The following TYW1B variants were observed in gnomAD, a reference collection of about 807,000 sequenced individuals.
TYW1B encodes S-adenosyl-L-methionine-dependent tRNA 4-demethylwyosine synthase TYW1B.
A neutral mutation model predicts 86.9 loss-of-function variants in TYW1B; 73 were observed. The observed-to-expected ratio is 0.84, with a 90% CI of 0.70 to 1.02. TYW1B has a LOEUF of 1.02. Among genes scored for constraint, TYW1B ranks in the 50% least tolerant of loss-of-function variants. TYW1B has a pLI of 0.00. For missense variants in TYW1B, 637 were observed against 827.4 expected (o/e 0.77, Z 2.82); for synonymous variants, 248 against 292.8 (o/e 0.85, Z 1.56).
intron 5 of TYW1B, among the ~76,000 whole-genome samples, chr7:72,806,663 G>C (rs1788500779): frequency 6.6e-6 from 1 of 151,072 alleles, no homozygotes; most frequent in African/African-American, 2.4e-5. Context: ...TTCTGTCTTT[G>C]TTTTTGGGGC....
intron 10 of TYW1B, among the ~76,000 whole-genome samples, chr7:72,710,519 C>T (rs782163898): frequency 2.0e-5 from 3 of 152,100 alleles, no homozygotes; most frequent in Admixed American, 6.6e-5. Flanking sequence ...ATCAACTCTT[C>T]GATTTCCTAT....
chr7:72,804,454 C>A (rs1158009814), intron 5 of TYW1B, among the ~76,000 whole-genome samples: 2 of 152,064 alleles, frequency 1.3e-5, no homozygotes, highest in African/African-American at 4.8e-5. Flanking sequence ...TCATGCCTGT[C>A]CTGCGCCAGA....
chr7:72,803,843 A>C (rs1554476213), intron 5 of TYW1B, among the ~76,000 whole-genome samples: 1 of 150,612 alleles, frequency 6.6e-6, no homozygotes, highest in Non-Finnish European at 1.5e-5. Flanking sequence ...CAGACTCCTG[A>C]CCTCAGGTGA....
rs1386824314 is a variant in TYW1B at position 72,575,026 on chromosome 7, A to G, written c.*472T>C. On this transcript the variant is annotated 3_prime_UTR_variant, in exon 14 of 14. Coordinates refer to ENST00000620995, the MANE Select transcript of TYW1B (RefSeq NM_001145440.3). ...GGAGGTGCTGTCTTAAGACAGAAGA[A>G]AGGGATCAAGCTCTTATCTTAGAAA... The G allele has an allele frequency of 1.5e-5, 15 of 992,818 alleles. No homozygotes were observed. The highest frequency in any genetic ancestry group is 1.8e-5 in the Non-Finnish European group (15 of 834,046). 61.5% of individuals were successfully genotyped at this position (992,818 alleles called of 1,614,324 possible). A position where few individuals can be genotyped will look rare whatever the true frequency, so the allele number is the denominator to read the frequency against.
chr7:72,793,865 C>T (rs1554474019), intron 6 of TYW1B, among the ~76,000 whole-genome samples: 1 of 151,904 alleles, frequency 6.6e-6, no homozygotes, highest in East Asian at 1.9e-4. Context: ...TGGTAAGGTA[C>T]TTTAAGTTCT....
chr7:72,629,721 A>C (rs1291343877), intron 11 of TYW1B, among the ~76,000 whole-genome samples: 1 of 152,016 alleles, frequency 6.6e-6, no homozygotes, highest in Non-Finnish European at 1.5e-5. Context: ...TAAGTTTAAA[A>C]ATTTTTTTAG....
At chr7:72,693,727 G>A (rs542422913) in intron 11 of TYW1B, among the ~76,000 whole-genome samples, 2 of 152,176 alleles carry the variant, frequency 1.3e-5, no homozygotes, top group Admixed American at 6.5e-5. Flanking sequence ...GTTACGTACA[G>A]TCGGTCCTTC....
intron 11 of TYW1B, among the ~76,000 whole-genome samples, chr7:72,667,048 A>AAAAAAAAAAAAAAAAAAAAAAAAAAAG (rs60588106): frequency 7.6e-6 from 1 of 131,368 alleles, no homozygotes; most frequent in African/African-American, 3.1e-5. Flanking sequence ...AAAAAAAAAA[A>AAAAAAAAAAAAAAAAAAAAAAAAAAAG]AAAGAAACTA....
At chr7:72,738,390 A>C (rs1360658688) in intron 8 of TYW1B, among the ~76,000 whole-genome samples, 1 of 152,170 alleles carries the variant, frequency 6.6e-6, no homozygotes, top group Non-Finnish European at 1.5e-5. Flanking sequence ...GCCTGGTCAC[A>C]TTCTGTTTCA....
At chr7:72,649,870 A>G (rs1157054017) in intron 11 of TYW1B, among the ~76,000 whole-genome samples, 4 of 151,630 alleles carry the variant, frequency 2.6e-5, no homozygotes, top group Non-Finnish European at 5.9e-5. Context: ...AAATGCAAAA[A>G]CTCTACAGTC....
intron 10 of TYW1B, among the ~76,000 whole-genome samples, chr7:72,709,525 G>A (rs1585919807): frequency 6.6e-6 from 1 of 152,252 alleles, no homozygotes; most frequent in East Asian, 1.9e-4. Flanking sequence ...AAAATTAGCT[G>A]GGGGTGGTGG....
chr7:72,756,028 G>C (rs950291555), intron 7 of TYW1B, among the ~76,000 whole-genome samples: 1 of 152,134 alleles, frequency 6.6e-6, no homozygotes, highest in Non-Finnish European at 1.5e-5. Flanking sequence ...GGCACAGGGA[G>C]AGACAGGGCT....
At chr7:72,678,834 C>T (rs1278285459) in intron 11 of TYW1B, among the ~76,000 whole-genome samples, 1 of 151,954 alleles carries the variant, frequency 6.6e-6, no homozygotes, top group African/African-American at 2.4e-5. Flanking sequence ...AGCCAACGTG[C>T]CCGGACAATC....
chr7:72,582,390 A>G (rs1554429743), intron 13 of TYW1B, among the ~76,000 whole-genome samples: 1 of 152,228 alleles, frequency 6.6e-6, no homozygotes, highest in African/African-American at 2.4e-5. Flanking sequence ...TGAGTTCTCA[A>G]TTACTGCAAG....
At chr7:72,580,170 G>C (rs566561679) in intron 13 of TYW1B, among the ~76,000 whole-genome samples, 6 of 152,126 alleles carry the variant, frequency 3.9e-5, no homozygotes, top group Non-Finnish European at 7.4e-5. Flanking sequence ...AGACCCAAAA[G>C]ACAAAACTGA....
At chr7:72,603,862 G>A (rs1215974798) in intron 13 of TYW1B, among the ~76,000 whole-genome samples, 1 of 151,984 alleles carries the variant, frequency 6.6e-6, no homozygotes, top group Non-Finnish European at 1.5e-5. Context: ...AGCTATCAAG[G>A]TCATCAAAAA....
At chr7:72,742,634 G>C (rs1787325179) in intron 8 of TYW1B, among the ~76,000 whole-genome samples, 1 of 152,104 alleles carries the variant, frequency 6.6e-6, no homozygotes, top group Non-Finnish European at 1.5e-5. Context: ...ATTCAAAATA[G>C]TGTTACTAAT....
intron 11 of TYW1B, among the ~76,000 whole-genome samples, chr7:72,669,231 G>C (rs1360686166): frequency 4.0e-5 from 5 of 126,266 alleles, no homozygotes; most frequent in Non-Finnish European, 6.2e-5. Flanking sequence ...TCCAACTTCC[G>C]CCTCCTGGGT....
At chr7:72,640,020 A>T (rs1490124584) in intron 11 of TYW1B, among the ~76,000 whole-genome samples, 13 of 152,196 alleles carry the variant, frequency 8.5e-5, no homozygotes, top group Admixed American at 3.3e-4. Flanking sequence ...ACGTTAATTT[A>T]CATTGACTTT....
Sources: gnomAD v4.1 joint callset for allele counts (sites outside exome capture counted in the v4.1 genomes callset) on GRCh38, gnomAD v4.1.1 for gene constraint, MANE v1.5 for transcripts, NCBI Gene and HGNC (gene_info 2026-07-23, HGNC 2026-07-21) for gene names.